PLAC1: variants seen among roughly 807,000 people sequenced by gnomAD.
The protein encoded by PLAC1 is placenta-specific protein 1.
For missense variants in PLAC1, 136 were observed against 163.2 expected (o/e 0.83, Z 0.91); for synonymous variants, 68 against 62.1 (o/e 1.09, Z -0.44).
chrX:134,595,283 T>C (rs1039968189), intron 2 of PLAC1, among the ~76,000 whole-genome samples: 11 of 110,942 alleles, frequency 9.9e-5, no homozygotes, highest in Non-Finnish European at 2.1e-4. Context: ...GCTCAGAATA[T>C]GGTCTATCTT....
At chrX:134,616,615 G>A (rs1027101529) in intron 1 of PLAC1, among the ~76,000 whole-genome samples, 1 of 108,879 alleles carries the variant, frequency 9.2e-6, no homozygotes, top group Non-Finnish European at 1.9e-5. Context: ...CAGCCTGGGC[G>A]ACAGAGCAAG....
intron 2 of PLAC1, among the ~76,000 whole-genome samples, chrX:134,580,413 A>G (rs183819187): frequency 8.9e-6 from 1 of 112,261 alleles, no homozygotes; most frequent in East Asian, 2.8e-4. Context: ...GCTTCCTTTT[A>G]TGGAAGAAGA....
chrX:134,569,739 A>AGTGTGTGTGTGTGTGT lies in PLAC1; in HGVS notation c.-58-3015_-58-3000dup, dbSNP rs749953575. On this transcript the variant is annotated intron_variant, in intron 2 of 2. Transcript: ENST00000359237. Reference sequence around the variant, plus strand: ...TGCAATTCCTAGGGAAGGGTAGAGTAGTGTGTGTGTGTGTGTGTGTGTGTG... The same window carrying AGTGTGTGTGTGTGTGT: ...TGCAATTCCTAGGGAAGGGTAGAGTAGTGTGTGTGTGTGTGTGTGTGTGTGTGTGTGTGTGTGTGTG... Among the ~76,000 whole-genome samples the AGTGTGTGTGTGTGTGT allele has an allele frequency of 8.2e-4, 59 of 72,149 alleles. 1 individual carries two copies. The highest frequency in any genetic ancestry group is 2.0e-3 in the Admixed American group (12 of 6,068). The allele number at this position is 72,149 out of a possible 115,157, so 62.7% of individuals were successfully genotyped here.
intron 1 of PLAC1, among the ~76,000 whole-genome samples, chrX:134,625,502 A>G (rs1474529893): frequency 8.9e-6 from 1 of 112,132 alleles, no homozygotes; most frequent in African/African-American, 3.2e-5. Context: ...ATATCCACCC[A>G]AAGTTGCGTA....
intron 2 of PLAC1, among the ~76,000 whole-genome samples, chrX:134,599,002 A>G (rs766743699): frequency 8.9e-6 from 1 of 112,109 alleles, no homozygotes; most frequent in South Asian, 3.7e-4. Context: ...ACAACTTAGC[A>G]GCCAACAAAT....
chrX:134,746,167 C>T (rs2078728644), intron 1 of PLAC1, among the ~76,000 whole-genome samples: 1 of 112,548 alleles, frequency 8.9e-6, no homozygotes, highest in African/African-American at 3.2e-5. Flanking sequence ...GGAGGGTATA[C>T]AATCAAAGGC....
intron 2 of PLAC1, among the ~76,000 whole-genome samples, chrX:134,689,794 T>C (rs2078530300): frequency 8.9e-6 from 1 of 112,271 alleles, no homozygotes; most frequent in African/African-American, 3.2e-5. Context: ...ATATCTGCAG[T>C]CCGTCTCTAC....
At chrX:134,725,001 CAAA>C (rs5903883) in intron 2 of PLAC1, among the ~76,000 whole-genome samples, 1 of 91,897 alleles carries the variant, frequency 1.1e-5, no homozygotes. Flanking sequence ...GACCCTGTCT[CAAA>C]AAAAAAAAAA....
chrX:134,650,966 A>G, intron 1 of PLAC1: 1 of 231,792 alleles, frequency 4.3e-6, no homozygotes, highest in South Asian at 7.1e-5. Context: ...TGAATATCAC[A>G]GCAGCCAAGG....
At chrX:134,648,995 G>A (rs1358154421) in intron 1 of PLAC1, among the ~76,000 whole-genome samples, 2 of 111,735 alleles carry the variant, frequency 1.8e-5, no homozygotes, top group Admixed American at 9.4e-5. Flanking sequence ...CAGGCCGGGC[G>A]CAGTGGCTCA....
At chrX:134,693,529 G>T (rs969454237) in intron 2 of PLAC1, among the ~76,000 whole-genome samples, 1 of 111,868 alleles carries the variant, frequency 8.9e-6, no homozygotes, top group African/African-American at 3.3e-5. Context: ...GGAAATGAAG[G>T]CTCAGAGGGT....
At chrX:134,660,617 GGAATAAAGAGAT>G (rs770627377), upstream of PLAC1, among the ~76,000 whole-genome samples, 5 of 111,788 alleles carry the variant, frequency 4.5e-5, 1 homozygote, top group Non-Finnish European at 9.4e-5. Context: ...GCAGAGCAGA[GGAATAAAGAGAT>G]GAAAAATAAG....
At chrX:134,715,744 G>A (rs1305589488) in intron 2 of PLAC1, among the ~76,000 whole-genome samples, 2 of 112,274 alleles carry the variant, frequency 1.8e-5, no homozygotes, top group South Asian at 3.7e-4. Flanking sequence ...GCTAGAGGCT[G>A]TTGGCAGATG....
rs186263863 is a variant in PLAC1, at chrX:134,673,407, T to C, written n.174+60028A>G. Among the ~76,000 whole-genome samples the C allele has an allele frequency of 8.2e-5, 9 of 109,339 alleles. No individual in the cohort carries two copies. In the East Asian group the frequency reaches 2.6e-3, roughly 32 times the overall value. The allele number at this position is 109,339 out of a possible 115,157, so 94.9% of individuals were successfully genotyped here. A position where few individuals can be genotyped will look rare whatever the true frequency, so the allele number is the denominator to read the frequency against. On this transcript the variant is annotated intron_variant and non_coding_transcript_variant, in intron 2 of 2. Coordinates refer to the PLAC1 transcript ENST00000466797. The stretch of plus-strand genomic sequence containing the variant: ...AGAGGGGAGACAGGGAAAAGGGAAA[T>C]TTGAGTGTATTTGTGTGACAGGATG...
At chrX:134,604,308 G>T (rs2078111982) in intron 1 of PLAC1, among the ~76,000 whole-genome samples, 1 of 112,629 alleles carries the variant, frequency 8.9e-6, no homozygotes, top group Non-Finnish European at 1.9e-5. Flanking sequence ...CCAATTTTAG[G>T]ATTCCATTCC....
At chrX:134,591,638 T>C (rs1032549348) in intron 2 of PLAC1, among the ~76,000 whole-genome samples, 8 of 112,710 alleles carry the variant, frequency 7.1e-5, no homozygotes, top group African/African-American at 2.6e-4. Flanking sequence ...GGACATAAGT[T>C]TTCATTTCTC....
At chrX:134,641,667 C>T (rs2078308307) in intron 1 of PLAC1, among the ~76,000 whole-genome samples, 1 of 111,710 alleles carries the variant, frequency 9.0e-6, no homozygotes, top group Non-Finnish European at 1.9e-5. Flanking sequence ...GGAGCTGAGA[C>T]GTGGGCAGGA....
At chrX:134,583,002 TAAC>T (rs754375521) in intron 2 of PLAC1, among the ~76,000 whole-genome samples, 76 of 111,815 alleles carry the variant, frequency 6.8e-4, no homozygotes, top group Non-Finnish European at 1.4e-3. Context: ...ATAATAATAA[TAAC>T]GATAACACTG....
chrX:134,759,445 G>A lies in PLAC1; in HGVS notation n.89+4789C>T, dbSNP rs183967029. 1.8e-4 allele frequency among the ~76,000 whole-genome samples: 20 copies of A among 111,743 alleles called. 1 individual carries two copies. In the Middle Eastern group the frequency reaches 0.014, roughly 78 times the overall value. On this transcript the variant is annotated intron_variant and non_coding_transcript_variant, in intron 1 of 2. Transcript: ENST00000466797. ...AGTACAGGCATGAGCCACCAAGCCC[G>A]GCCAGGAACTCTTATACATTGGTGG...
Sources: gnomAD v4.1 joint callset for allele counts (sites outside exome capture counted in the v4.1 genomes callset) on GRCh38, gnomAD v4.1.1 for gene constraint, MANE v1.5 for transcripts, NCBI Gene and HGNC (gene_info 2026-07-23, HGNC 2026-07-21) for gene names.